Variants in ATRNL1 observed in about 807,000 individuals in gnomAD.
The protein encoded by ATRNL1 is attractin like 1.
ATRNL1 carries 95 observed loss-of-function variants against 182.7 expected under a neutral mutation model. The ratio of observed to expected loss-of-function variants is 0.52; its 90% CI spans 0.44 to 0.62. ATRNL1 has a LOEUF of 0.62. ATRNL1 is among the 20% of genes least tolerant of loss of function. ATRNL1 has a pLI of 0.00. For synonymous variants in ATRNL1, 576 were observed against 568.3 expected (o/e 1.01, Z -0.19); for missense variants, 1,471 against 1,679.5 (o/e 0.88, Z 2.17).
At chr10:115,446,938 G>C (rs187979631) in intron 21 of ATRNL1, among the ~76,000 whole-genome samples, 63 of 152,038 alleles carry the variant, frequency 4.1e-4, no homozygotes, top group African/African-American at 1.5e-3. Flanking sequence ...TTTAAAAGCA[G>C]ATACATATAT....
At chr10:115,167,080 A>T (rs1196991246) in intron 7 of ATRNL1, among the ~76,000 whole-genome samples, 1 of 151,878 alleles carries the variant, frequency 6.6e-6, no homozygotes, top group Non-Finnish European at 1.5e-5. Context: ...ATTGTGTCTG[A>T]TGTAAGGGTC....
At chr10:115,926,622 C>T (rs1471518957) in intron 28 of ATRNL1, among the ~76,000 whole-genome samples, 2 of 152,094 alleles carry the variant, frequency 1.3e-5, no homozygotes, top group Non-Finnish European at 2.9e-5. Context: ...TCAGAGAATA[C>T]TATAAACACC....
intron 26 of ATRNL1, among the ~76,000 whole-genome samples, chr10:115,711,133 G>T (rs1160791487): frequency 4.6e-5 from 7 of 152,018 alleles, no homozygotes; most frequent in African/African-American, 1.7e-4. Flanking sequence ...GAAAATACTG[G>T]TCAATATATC....
intron 17 of ATRNL1, among the ~76,000 whole-genome samples, chr10:115,308,402 A>G (rs975699974): frequency 4.1e-4 from 62 of 152,152 alleles, no homozygotes; most frequent in African/African-American, 1.4e-3. Flanking sequence ...GTATAGTAAA[A>G]ATAGAATAAT....
At chr10:115,632,742 T>G (rs1858594492) in intron 26 of ATRNL1, among the ~76,000 whole-genome samples, 1 of 152,272 alleles carries the variant, frequency 6.6e-6, no homozygotes, top group South Asian at 2.1e-4. Flanking sequence ...AGGTAGAGAC[T>G]GGTGAGATTA....
At chr10:115,211,622 T>A (rs1849027112) in intron 8 of ATRNL1, among the ~76,000 whole-genome samples, 1 of 151,962 alleles carries the variant, frequency 6.6e-6, no homozygotes, top group African/African-American at 2.4e-5. Flanking sequence ...TTCTTTTTTT[T>A]TTATTATACT....
intron 26 of ATRNL1, among the ~76,000 whole-genome samples, chr10:115,604,596 C>T (rs1856777922): frequency 6.6e-6 from 1 of 152,112 alleles, no homozygotes; most frequent in South Asian, 2.1e-4. Flanking sequence ...CACCCTACAA[C>T]TCAGCCTCTC....
chr10:115,667,369 T>C (rs1243844111), intron 26 of ATRNL1, among the ~76,000 whole-genome samples: 1 of 152,200 alleles, frequency 6.6e-6, no homozygotes, highest in African/African-American at 2.4e-5. Flanking sequence ...ATGGGTTTTC[T>C]GCGTTAATAA....
intron 3 of ATRNL1, among the ~76,000 whole-genome samples, chr10:115,125,939 A>G (rs572022998): frequency 6.6e-6 from 1 of 152,072 alleles, no homozygotes. Context: ...ATAATTTGTC[A>G]TTTTACTAGA....
chr10:115,418,797 T>G lies in ATRNL1; in HGVS notation c.3270-7453T>G, dbSNP rs1021588102. 2.6e-5 allele frequency among the ~76,000 whole-genome samples: 4 copies of G among 152,244 alleles called. No individual in the cohort carries two copies. The South Asian group carries it at 8.3e-4, about 32-fold the overall frequency. ...GGCAGGAGGGAATGTGACAATATAT[T>G]CAGAATGTGGAAGGAAACTACCTGC... On this transcript the variant is annotated intron_variant, in intron 20 of 28. Coordinates refer to ENST00000355044, the MANE Select transcript of ATRNL1 (RefSeq NM_207303.4).
At chr10:115,648,639 G>A (rs1020336262) in intron 26 of ATRNL1, among the ~76,000 whole-genome samples, 1 of 152,090 alleles carries the variant, frequency 6.6e-6, no homozygotes, top group Non-Finnish European at 1.5e-5. Flanking sequence ...AGAGCCCTCA[G>A]AGATATGTAG....
chr10:115,453,758 G>A (rs568859956), intron 21 of ATRNL1, among the ~76,000 whole-genome samples: 38 of 149,090 alleles, frequency 2.5e-4, no homozygotes, highest in Non-Finnish European at 5.3e-4. Context: ...GAGAACACAT[G>A]GACACAGGAA....
chr10:115,396,898 A>T (rs1458977612), intron 20 of ATRNL1, among the ~76,000 whole-genome samples: 1 of 151,968 alleles, frequency 6.6e-6, no homozygotes, highest in Non-Finnish European at 1.5e-5. Flanking sequence ...ATATTAGAAA[A>T]TCAATCATAT....
intron 15 of ATRNL1, among the ~76,000 whole-genome samples, chr10:115,287,050 T>C (rs1222990454): frequency 6.6e-6 from 1 of 152,002 alleles, no homozygotes; most frequent in Non-Finnish European, 1.5e-5. Context: ...GTATCCTCCA[T>C]GGATACAGAG....
chr10:115,103,275 G>A (rs1293793945), intron 1 of ATRNL1, among the ~76,000 whole-genome samples: 1 of 152,020 alleles, frequency 6.6e-6, no homozygotes, highest in Non-Finnish European at 1.5e-5. Context: ...CTGACCTCAG[G>A]CAATCCGCCT....
intron 5 of ATRNL1, among the ~76,000 whole-genome samples, chr10:115,134,334 A>C (rs1554876051): frequency 6.6e-6 from 1 of 152,226 alleles, no homozygotes; most frequent in African/African-American, 2.4e-5. Context: ...AATAGATGCA[A>C]TAAAAAATGA....
At chr10:115,491,928 C>T (rs567382576) in intron 24 of ATRNL1, among the ~76,000 whole-genome samples, 3 of 152,248 alleles carry the variant, frequency 2.0e-5, no homozygotes, top group East Asian at 3.9e-4. Flanking sequence ...CTGTGGGAAA[C>T]GCACAGTATT....
intron 8 of ATRNL1, among the ~76,000 whole-genome samples, chr10:115,204,039 GTATTT>G (rs1337468318): frequency 2.6e-5 from 4 of 151,852 alleles, no homozygotes; most frequent in Non-Finnish European, 2.9e-5. Flanking sequence ...TTATTTTTGA[GTATTT>G]TATTTTAGTT....
At chr10:115,759,189 A>T (rs968911074) in intron 27 of ATRNL1, among the ~76,000 whole-genome samples, 4 of 152,184 alleles carry the variant, frequency 2.6e-5, no homozygotes, top group African/African-American at 9.7e-5. Context: ...GTCTTGAGGA[A>T]ATTGGCATTT....
Sources: gnomAD v4.1 joint callset for allele counts (sites outside exome capture counted in the v4.1 genomes callset) on GRCh38, gnomAD v4.1.1 for gene constraint, MANE v1.5 for transcripts, NCBI Gene and HGNC (gene_info 2026-07-23, HGNC 2026-07-21) for gene names.